The following SHC4 variants were observed in gnomAD, a reference collection of about 807,000 sequenced individuals.
SHC4 encodes SHC-transforming protein 4.
In SHC4, 41 loss-of-function variants were observed where a neutral mutation model predicts 69.4. The ratio of observed to expected loss-of-function variants is 0.59; its 90% CI spans 0.46 to 0.77. The LOEUF is 0.77. Ranked by LOEUF, SHC4 falls within the 30% of genes least tolerant of loss-of-function variation. The pLI is 0.00. For synonymous variants in SHC4, 318 were observed against 299.3 expected (o/e 1.06, Z -0.64); for missense variants, 777 against 783.8 (o/e 0.99, Z 0.10).
chr15:48,852,930 A>ATAAAT, intron 8 of SHC4, among the ~76,000 whole-genome samples: 1 of 148,608 alleles, frequency 6.7e-6, no homozygotes, highest in South Asian at 2.1e-4. Flanking sequence ...AAATAAATAA[A>ATAAAT]TAAATAAATA....
At position 48,947,600 on chromosome 15, in the gene SHC4, G is replaced by A. The variant is rs373476530; in HGVS notation, c.585+14831C>T. ...GTGAGAGAACAATCTCATTCACCAG[G>A]ATCCTGGAGGCCTTTGAGTCCCTAG... On this transcript the variant is annotated intron_variant, in intron 1 of 11. Transcript: ENST00000332408. Among the ~76,000 whole-genome samples the A allele has an allele frequency of 2.6e-5, 4 of 152,120 alleles. No homozygotes were observed. The East Asian group carries it at 5.8e-4, about 22-fold the overall frequency.
In SHC4 at chr15:48,952,185, C is replaced by T. The variant is rs567379627; in HGVS notation, c.585+10246G>A. Among the ~76,000 whole-genome samples, 32 of 152,278 alleles carry T rather than the reference C, an allele frequency of 2.1e-4. 1 individual carries two copies. In the South Asian group the frequency reaches 6.4e-3, roughly 31 times the overall value. On this transcript the variant is annotated intron_variant, in intron 1 of 11. Coordinates refer to ENST00000332408, the MANE Select transcript of SHC4 (RefSeq NM_203349.4). ...TAAAAAAGATTAAGTTTGAATTATG[C>T]ATTTTACCACTTCCCAATAAATGAT... is the stretch of plus-strand genomic sequence containing the variant.
intron 2 of SHC4, among the ~76,000 whole-genome samples, chr15:48,898,739 G>T (rs1900266614): frequency 6.6e-6 from 1 of 152,004 alleles, no homozygotes; most frequent in Non-Finnish European, 1.5e-5. Flanking sequence ...GTTTTTTCCT[G>T]TCCCCACAGA....
chr15:48,849,391 T>C (rs1037265954), intron 9 of SHC4, among the ~76,000 whole-genome samples: 1 of 152,162 alleles, frequency 6.6e-6, no homozygotes, highest in Non-Finnish European at 1.5e-5. Context: ...TTCCCCATTA[T>C]TTGTTCCTAT....
At chr15:48,832,539 T>C (rs1898825637) in intron 11 of SHC4, among the ~76,000 whole-genome samples, 1 of 152,180 alleles carries the variant, frequency 6.6e-6, no homozygotes, top group Admixed American at 6.5e-5. Context: ...TTGGAGTCCA[T>C]TGGTCTTCTT....
chr15:48,919,153 C>T (rs957647043), intron 2 of SHC4, among the ~76,000 whole-genome samples: 2 of 152,032 alleles, frequency 1.3e-5, no homozygotes, highest in African/African-American at 2.4e-5. Context: ...TCAAGTAGGA[C>T]CACTTGACAC....
chr15:48,830,737 G>A (rs1168949380), intron 11 of SHC4, among the ~76,000 whole-genome samples: 1 of 152,158 alleles, frequency 6.6e-6, no homozygotes, highest in Non-Finnish European at 1.5e-5. Flanking sequence ...AGAAAAGAAT[G>A]CTCATGTTGC....
intron 11 of SHC4, among the ~76,000 whole-genome samples, chr15:48,831,128 G>A (rs1278925560): frequency 6.6e-6 from 1 of 151,912 alleles, no homozygotes; most frequent in East Asian, 1.9e-4. Flanking sequence ...AGATATTTTT[G>A]TACAGCTCTA....
rs765988313 is a variant in SHC4 at position 48,890,776 on chromosome 15, C to G, written c.692G>C (p.Gly231Ala). The change falls in exon 3 of 12, where the codon GGG becomes GCG. Residue 231 changes from glycine (G) to alanine (A), a missense_variant. Transcript: ENST00000332408. Reference sequence around the variant, plus strand: ...TCGCTTTTTAATGGCTCCATTTGCCCCGGGGACAGCTTCACACAGGCGACT... The same window carrying G: ...TCGCTTTTTAATGGCTCCATTTGCCGCGGGGACAGCTTCACACAGGCGACT... ...AISRLCEAVP[G>A]ANGAIKKRKP... is the part of the protein sequence containing the mutation. 3 of 1,614,106 alleles carry G rather than the reference C, an allele frequency of 1.9e-6. No homozygotes were observed. Among genetic ancestry groups the G allele is most frequent in the Admixed American group, 3.3e-5 (2 of 60,004 alleles).
At chr15:48,896,651 T>C (rs1595749114) in intron 2 of SHC4, among the ~76,000 whole-genome samples, 1 of 152,178 alleles carries the variant, frequency 6.6e-6, no homozygotes, top group East Asian at 1.9e-4. Context: ...TTTAAGAAGG[T>C]CCACTCCTCA....
chr15:48,876,597 G>A, intron 4 of SHC4: 2 of 698,660 alleles, frequency 2.9e-6, no homozygotes, highest in South Asian at 1.5e-5. Flanking sequence ...GGAGAGAGGA[G>A]AGCCAGTCCG....
rs540244175 is a variant in SHC4 at position 48,949,951 on chromosome 15, T to C, written c.585+12480A>G. Among the ~76,000 whole-genome samples the C allele has an allele frequency of 5.3e-3, 755 of 143,284 alleles. 6 individuals carry two copies. The highest frequency in any genetic ancestry group is 0.018 in the African/African-American group (727 of 39,430). The allele number at this position is 143,284 out of a possible 152,430, so 94.0% of individuals were successfully genotyped here. On this transcript the variant is annotated intron_variant, in intron 1 of 11. Coordinates refer to ENST00000332408, the MANE Select transcript of SHC4 (RefSeq NM_203349.4). ...ATTAATATGCAGATTATATATTATA[T>C]ATAATTTTAACATATGAAATATGAA... is the stretch of plus-strand genomic sequence containing the variant.
chr15:48,921,337 T>G (rs1350348404), intron 2 of SHC4, among the ~76,000 whole-genome samples: 1 of 151,388 alleles, frequency 6.6e-6, no homozygotes, highest in Non-Finnish European at 1.5e-5. Context: ...TATCGTTTTT[T>G]TTTTTTTTTC....
At chr15:48,915,024 A>G (rs1370794474) in intron 2 of SHC4, among the ~76,000 whole-genome samples, 1 of 152,242 alleles carries the variant, frequency 6.6e-6, no homozygotes. Flanking sequence ...CTTCAGAGAA[A>G]CATCTGTTCA....
At chr15:48,855,863 A>C in intron 8 of SHC4, 90 bp downstream of exon 8, 1 of 1,370,596 alleles carries the variant, frequency 7.3e-7, no homozygotes, top group East Asian at 2.4e-5. Flanking sequence ...ACTTTCTCTA[A>C]ACTAGCATTT....
In SHC4 at chr15:48,834,626, G is replaced by C. The variant is rs565207692; in HGVS notation, c.1737+143C>G. The C allele has an allele frequency of 2.3e-4, 277 of 1,212,572 alleles. 1 individual carries two copies. In the East Asian group the frequency reaches 6.1e-3, roughly 27 times the overall value. 75.1% of individuals were successfully genotyped at this position (1,212,572 alleles called of 1,614,324 possible). A position where few individuals can be genotyped will look rare whatever the true frequency, so the allele number is the denominator to read the frequency against. ...TAACCCCTCCACTACCCTCTAGTTA[G>C]CATGTCCTGCTCCAGCTGGAAGGTT... On this transcript the variant is annotated intron_variant, in intron 11 of 11. Coordinates refer to ENST00000332408, the MANE Select transcript of SHC4 (RefSeq NM_203349.4).
At chr15:48,842,036 CCAT>C (rs1899001703) in intron 10 of SHC4, among the ~76,000 whole-genome samples, 1 of 152,228 alleles carries the variant, frequency 6.6e-6, no homozygotes, top group African/African-American at 2.4e-5. Context: ...GACTGGCTCT[CCAT>C]CATTGGAGCA....
chr15:48,939,113 A>G (rs924380262), intron 1 of SHC4, among the ~76,000 whole-genome samples: 1 of 152,014 alleles, frequency 6.6e-6, no homozygotes, highest in Non-Finnish European at 1.5e-5. Flanking sequence ...TGGGATGACT[A>G]TACTGCTGTT....
At chr15:48,858,045 G>A (rs1348646969) in intron 6 of SHC4, among the ~76,000 whole-genome samples, 3 of 152,116 alleles carry the variant, frequency 2.0e-5, no homozygotes, top group Admixed American at 6.5e-5. Context: ...TACAAACTGG[G>A]TGCTCAAGGC....
Sources: gnomAD v4.1 joint callset for allele counts (sites outside exome capture counted in the v4.1 genomes callset) on GRCh38, gnomAD v4.1.1 for gene constraint, MANE v1.5 for transcripts, NCBI Gene and HGNC (gene_info 2026-07-23, HGNC 2026-07-21) for gene names.